The following LPP variants were observed in gnomAD, a reference collection of about 807,000 sequenced individuals.
The protein encoded by LPP is lipoma-preferred partner.
In LPP, 38 loss-of-function variants were observed where a neutral mutation model predicts 60.4. The observed-to-expected ratio is 0.63, with a 90% CI of 0.49 to 0.83. LPP has a LOEUF of 0.83. LPP is among the 40% of genes least tolerant of loss of function. LPP has a pLI of 0.00. For missense variants in LPP, 902 were observed against 783.6 expected (o/e 1.15, Z -1.80); for synonymous variants, 328 against 290.8 (o/e 1.13, Z -1.30).
intron 1 of LPP, among the ~76,000 whole-genome samples, chr3:188,185,774 T>C (rs9857023): frequency 0.66 from 99,839 of 152,066 alleles, 34,159 homozygotes; most frequent in East Asian, 0.9. Context: ...TCTCATGGTG[T>C]GGGTAATTGT....
chr3:188,474,449 CA>C (rs1396060931), intron 4 of LPP, among the ~76,000 whole-genome samples: 1 of 115,608 alleles, frequency 8.6e-6, no homozygotes, highest in Non-Finnish European at 1.9e-5. Flanking sequence ...TAGCCAAAGA[CA>C]GCAGTGGTGA....
intron 3 of LPP, among the ~76,000 whole-genome samples, chr3:188,367,922 G>T (rs940038725): frequency 6.6e-6 from 1 of 152,150 alleles, no homozygotes; most frequent in Non-Finnish European, 1.5e-5. Context: ...TGGATAGCAT[G>T]ACTTTATTGT....
At chr3:188,250,213 T>A (rs113458718) in intron 2 of LPP, among the ~76,000 whole-genome samples, 1,538 of 152,296 alleles carry the variant, frequency 0.01, 20 homozygotes, top group African/African-American at 0.034. Context: ...TTTGGAACAT[T>A]TCCACAGCCT....
intron 2 of LPP, among the ~76,000 whole-genome samples, chr3:188,328,071 T>C (rs959376009): frequency 1.3e-5 from 2 of 152,086 alleles, no homozygotes; most frequent in Admixed American, 1.3e-4. Flanking sequence ...CTCACAGCTA[T>C]GTATTTGAAA....
chr3:188,623,027 TAA>T (rs747020083), intron 7 of LPP, among the ~76,000 whole-genome samples: 4 of 79,464 alleles, frequency 5.0e-5, no homozygotes, highest in Non-Finnish European at 7.5e-5. Context: ...GACTCCATCT[TAA>T]AAAAAAAAAA....
At chr3:188,372,742 A>G (rs973258653) in intron 3 of LPP, among the ~76,000 whole-genome samples, 2 of 150,970 alleles carry the variant, frequency 1.3e-5, no homozygotes, top group Non-Finnish European at 2.9e-5. Flanking sequence ...GTTTTAGGGT[A>G]CATGTGTACA....
chr3:188,469,528 G>T (rs926124001), intron 4 of LPP, among the ~76,000 whole-genome samples: 3 of 152,128 alleles, frequency 2.0e-5, no homozygotes, highest in African/African-American at 7.2e-5. Context: ...GGAATGTCGG[G>T]TTAATCAGTT....
intron 2 of LPP, among the ~76,000 whole-genome samples, chr3:188,329,029 T>C (rs147639934): frequency 7.0e-4 from 106 of 152,316 alleles, no homozygotes; most frequent in African/African-American, 2.4e-3. Flanking sequence ...ACTGTTATTT[T>C]TGTAGCATTA....
intron 1 of LPP, among the ~76,000 whole-genome samples, chr3:188,164,492 A>G (rs1012537131): frequency 1.3e-5 from 2 of 152,204 alleles, no homozygotes; most frequent in Non-Finnish European, 2.9e-5. Flanking sequence ...AAGGAAGAAA[A>G]TAACTTGGTT....
chr3:188,360,188 C>T (rs1188799064), intron 3 of LPP, among the ~76,000 whole-genome samples: 2 of 152,144 alleles, frequency 1.3e-5, no homozygotes, highest in African/African-American at 4.8e-5. Context: ...GAACGCTTTT[C>T]AAACCCGGCC....
chr3:188,696,589 A>G (rs939422151), intron 7 of LPP, among the ~76,000 whole-genome samples: 2 of 152,200 alleles, frequency 1.3e-5, no homozygotes, highest in Non-Finnish European at 2.9e-5. Context: ...GTCTAAAACA[A>G]CAACAACAAC....
intron 1 of LPP, chr3:188,180,166 T>A (rs2127519): frequency 0.5 from 77,409 of 153,948 alleles, 21,233 homozygotes; most frequent in East Asian, 0.87. Flanking sequence ...TGCTTTTATT[T>A]AAGGTGTCTG....
At chr3:188,683,394 A>G (rs1348816084) in intron 7 of LPP, among the ~76,000 whole-genome samples, 1 of 152,058 alleles carries the variant, frequency 6.6e-6, no homozygotes, top group East Asian at 1.9e-4. Flanking sequence ...ATTATCTTTT[A>G]AGGAAGTACT....
intron 4 of LPP, among the ~76,000 whole-genome samples, chr3:188,424,358 C>A (rs1788715847): frequency 6.6e-6 from 1 of 152,096 alleles, no homozygotes; most frequent in Non-Finnish European, 1.5e-5. Flanking sequence ...GTTACTGTAG[C>A]CTTGTAGCAT....
chr3:188,665,457 C>CT (rs371444537), intron 7 of LPP, among the ~76,000 whole-genome samples: 6,852 of 86,952 alleles, frequency 0.079, 641 homozygotes, highest in African/African-American at 0.25. Flanking sequence ...TCTTCTTCTT[C>CT]TTCTTTTTTT....
chr3:188,710,695 A>G lies in LPP; in HGVS notation c.1240+2302A>G, dbSNP rs372878415. 9.2e-5 allele frequency: 14 copies of G among 152,300 alleles called. 1 individual carries two copies. The highest frequency in any genetic ancestry group is 3.9e-4 in the East Asian group (2 of 5,180). The allele number at this position is 152,300 out of a possible 1,614,324, so 9.4% of individuals were successfully genotyped here. On this transcript the variant is annotated intron_variant, in intron 8 of 11. Transcript: ENST00000617246. The stretch of plus-strand genomic sequence containing the variant: ...AAGGTCTCTGTATTTAGGTCCTATT[A>G]AAAAGGAAAAGCTGACTTACCAAGT...
chr3:188,593,860 G>A (rs993190002), intron 6 of LPP, among the ~76,000 whole-genome samples: 1 of 152,150 alleles, frequency 6.6e-6, no homozygotes, highest in African/African-American at 2.4e-5. Context: ...GGGCATTTGG[G>A]TTGGTTCCAC....
At chr3:188,185,741 C>A (rs1726404735) in intron 1 of LPP, among the ~76,000 whole-genome samples, 1 of 152,190 alleles carries the variant, frequency 6.6e-6, no homozygotes, top group African/African-American at 2.4e-5. Context: ...TCCCAACGGG[C>A]AGCGGCTTCC....
chr3:188,676,655 C>A (rs1280380460), intron 7 of LPP, among the ~76,000 whole-genome samples: 1 of 152,114 alleles, frequency 6.6e-6, no homozygotes, highest in Non-Finnish European at 1.5e-5. Flanking sequence ...AAAATGAAGG[C>A]CCCTCTCCTG....
Sources: allele counts gnomAD v4.1 joint callset (sites outside exome capture counted in the v4.1 genomes callset), GRCh38; gene constraint gnomAD v4.1.1; transcripts MANE v1.5; gene names NCBI Gene and HGNC (gene_info 2026-07-23, HGNC 2026-07-21).